Variants in LTBP1 observed in about 807,000 individuals in gnomAD.
LTBP1 encodes latent-transforming growth factor beta-binding protein 1.
Under a neutral mutation model 207.6 loss-of-function variants are expected in LTBP1, and 129 were observed. That is an observed-to-expected ratio of 0.62 (90% CI 0.54 to 0.72). LTBP1 has a LOEUF of 0.72. LTBP1 is among the 30% of genes least tolerant of loss of function. The pLI, the probability that LTBP1 is intolerant of heterozygous loss-of-function variation, is 0.00. For synonymous variants in LTBP1, 963 were observed against 833.7 expected (o/e 1.16, Z -2.67); for missense variants, 2,281 against 2,217.2 (o/e 1.03, Z -0.58).
intron 2 of LTBP1, among the ~76,000 whole-genome samples, chr2:32,974,711 T>A (rs1681438734): frequency 6.6e-6 from 1 of 152,220 alleles, no homozygotes; most frequent in Non-Finnish European, 1.5e-5. Context: ...CTTCTTTTTG[T>A]TTTGTGTTTG....
chr2:32,988,032 T>C (rs1572957181), intron 2 of LTBP1, among the ~76,000 whole-genome samples: 1 of 152,128 alleles, frequency 6.6e-6, no homozygotes, highest in East Asian at 1.9e-4. Flanking sequence ...GAGGCAAAGA[T>C]TGAAGTGTCA....
chr2:33,125,893 T>A (rs2081405844), intron 4 of LTBP1, among the ~76,000 whole-genome samples: 1 of 152,194 alleles, frequency 6.6e-6, no homozygotes, highest in Non-Finnish European at 1.5e-5. Flanking sequence ...ACCTTAGAGT[T>A]TCTGTGGTTC....
At chr2:33,066,342 A>C (rs989452906) in intron 3 of LTBP1, among the ~76,000 whole-genome samples, 7 of 152,294 alleles carry the variant, frequency 4.6e-5, no homozygotes, top group Admixed American at 1.3e-4. Flanking sequence ...TAGCTCTGTG[A>C]TCACTTTTCA....
rs558200026 is a variant in LTBP1 at position 33,253,373 on chromosome 2, G to A, written c.2167+529G>A. Among the ~76,000 whole-genome samples the A allele has an allele frequency of 2.0e-5, 3 of 152,314 alleles. No homozygotes were observed. In the South Asian group the frequency reaches 6.2e-4, roughly 32 times the overall value. On this transcript the variant is annotated intron_variant, in intron 11 of 33. Coordinates refer to ENST00000404816, the MANE Select transcript of LTBP1 (RefSeq NM_206943.4). ...TCCTGAAAACTTCTGTGGGAGTTGA[G>A]TATTAAGAAGTAGATTATTCTTTAT...
intron 13 of LTBP1, among the ~76,000 whole-genome samples, chr2:33,261,844 C>T (rs1334409112): frequency 1.3e-5 from 2 of 152,152 alleles, no homozygotes; most frequent in African/African-American, 2.4e-5. Flanking sequence ...ATAGGTGATA[C>T]TTGAAGCCAG....
At chr2:33,372,269 T>A (rs2095078456) in intron 31 of LTBP1, among the ~76,000 whole-genome samples, 1 of 152,166 alleles carries the variant, frequency 6.6e-6, no homozygotes, top group African/African-American at 2.4e-5. Context: ...CCAAAGCACA[T>A]CTTAAATAGT....
At chr2:33,375,539 T>A (rs895956279) in intron 31 of LTBP1, among the ~76,000 whole-genome samples, 1 of 151,946 alleles carries the variant, frequency 6.6e-6, no homozygotes, top group Admixed American at 6.6e-5. Flanking sequence ...GTTTGTTTGT[T>A]TATTTTGAGA....
intron 3 of LTBP1, among the ~76,000 whole-genome samples, chr2:33,091,990 G>A (rs1015424298): frequency 6.6e-6 from 1 of 152,172 alleles, no homozygotes; most frequent in South Asian, 2.1e-4. Context: ...GGCACCTCTA[G>A]CTGTGTGACT....
At chr2:33,238,011 A>T (rs955168403) in intron 9 of LTBP1, among the ~76,000 whole-genome samples, 2 of 152,180 alleles carry the variant, frequency 1.3e-5, no homozygotes, top group African/African-American at 4.8e-5. Context: ...TGGTATGTCT[A>T]CCCAGTGCAA....
At chr2:33,397,013 T>C in intron 32 of LTBP1, 120 bp from the exon 33 acceptor site, 1 of 800,590 alleles carries the variant, frequency 1.2e-6, no homozygotes, top group Non-Finnish European at 1.9e-6. Flanking sequence ...TTAAGATGTC[T>C]GAAATATGTA....
At chr2:33,391,561 C>A (rs1242186542) in intron 32 of LTBP1, among the ~76,000 whole-genome samples, 1 of 152,162 alleles carries the variant, frequency 6.6e-6, no homozygotes, top group African/African-American at 2.4e-5. Flanking sequence ...TACAGCTTTC[C>A]TCCCTAGACC....
chr2:33,315,193 C>G lies in LTBP1; in HGVS notation c.3654C>G (p.Cys1218Trp). The G allele has an allele frequency of 6.2e-7, 1 of 1,612,928 alleles. No homozygotes were observed. Among genetic ancestry groups the G allele is most frequent in the Non-Finnish European group, 8.5e-7 (1 of 1,179,488 alleles). Residue 1218 changes from cysteine (C) to tryptophan (W), a missense_variant, in exon 24 of 34, where the codon TGC becomes TGG. Physicochemically the swap from Cys to Trp is radical, Grantham distance 215 (BLOSUM62 -2). This residue lies in a region of LTBP1 where 1,671 missense variants were observed against 1,634.8 expected (regional missense o/e 1.02). Transcript: ENST00000404816. ...HPGLCGPQGECLNTEGSFHCV... is the reference protein window; with the variant it reads ...HPGLCGPQGEWLNTEGSFHCV... ...GGCTCTGTGGTCCGCAAGGGGAGTG[C>G]CTAAACACAGAGGGTTCTTTCCATT...
At chr2:33,354,049 G>C (rs1343431162) in intron 26 of LTBP1, among the ~76,000 whole-genome samples, 3 of 151,972 alleles carry the variant, frequency 2.0e-5, no homozygotes, top group African/African-American at 7.3e-5. Flanking sequence ...ATTTTTAGTA[G>C]AGACGGGGTT....
At chr2:33,046,074 A>G (rs2076427259) in intron 3 of LTBP1, among the ~76,000 whole-genome samples, 3 of 152,098 alleles carry the variant, frequency 2.0e-5, no homozygotes, top group Admixed American at 1.3e-4. Context: ...AGACAATTTG[A>G]CTTCTCTCGT....
chr2:33,360,198 T>C (rs1032831614), intron 26 of LTBP1, among the ~76,000 whole-genome samples: 1 of 152,210 alleles, frequency 6.6e-6, no homozygotes, highest in Non-Finnish European at 1.5e-5. Flanking sequence ...TTAAATATTA[T>C]GTGTGGGCTC....
In LTBP1 at chr2:32,981,259, A is replaced by G. The variant is rs550119377; in HGVS notation, c.565+32314A>G. Among the ~76,000 whole-genome samples the G allele has an allele frequency of 1.6e-3, 242 of 152,150 alleles. 1 individual carries two copies. In the Middle Eastern group the frequency reaches 0.017, roughly 11 times the overall value. ...TTTCTAGATCTTTTAGGTGTGCTTC[A>G]TTCTTTAATTGTGTATTTTTGTTGT... On this transcript the variant is annotated intron_variant, in intron 2 of 33. Coordinates refer to ENST00000404816, the MANE Select transcript of LTBP1 (RefSeq NM_206943.4).
At position 33,333,940 on chromosome 2, in the gene LTBP1, A is replaced by G. The variant is rs371156985; in HGVS notation, c.3731-8898A>G. ...AGGGGTCAAGTAAAAGAGACCCTGT[A>G]GGAGGAGTCCAGGGAGTAAGAGGAA... On this transcript the variant is annotated intron_variant, in intron 24 of 33. Transcript: ENST00000404816. Among the ~76,000 whole-genome samples, 50 of 152,306 alleles carry G rather than the reference A, an allele frequency of 3.3e-4. No individual in the cohort carries two copies. The South Asian group carries it at 8.9e-3, about 27-fold the overall frequency.
At chr2:33,296,799 A>G (rs940626842) in intron 20 of LTBP1, among the ~76,000 whole-genome samples, 22 of 152,182 alleles carry the variant, frequency 1.4e-4, no homozygotes, top group Non-Finnish European at 2.8e-4. Flanking sequence ...GTGAGCTTGG[A>G]TAAGTTACGG....
intron 3 of LTBP1, among the ~76,000 whole-genome samples, chr2:33,062,354 C>T (rs1464784084): frequency 6.6e-6 from 1 of 152,018 alleles, no homozygotes; most frequent in African/African-American, 2.4e-5. Flanking sequence ...GTGTGTCGCT[C>T]AATAAATCTT....
Sources: gnomAD v4.1 joint callset for allele counts (sites outside exome capture counted in the v4.1 genomes callset) on GRCh38, gnomAD v4.1.1 for gene constraint, gnomAD v4.1.1 regional missense constraint, MANE v1.5 for transcripts, NCBI Gene and HGNC (gene_info 2026-07-23, HGNC 2026-07-21) for gene names.